RAD54B: variants seen among roughly 807,000 people sequenced by gnomAD.
RAD54B encodes RAD54 homolog B.
In RAD54B, 78 loss-of-function variants were observed where a neutral mutation model predicts 95.8. That is an observed-to-expected ratio of 0.81 (90% CI 0.68 to 0.98). The LOEUF is 0.98. RAD54B is among the 50% of genes least tolerant of loss of function. The probability of loss-of-function intolerance (pLI) is 0.00; values close to 1 mark genes in which losing one functional copy is unlikely to be tolerated. For synonymous variants in RAD54B, 328 were observed against 354.9 expected, an observed-to-expected ratio of 0.92 and a Z score of 0.85; for missense variants, 957 against 1,056.6, an observed-to-expected ratio of 0.91 and a Z score of 1.31.
chr8:94,428,993 C>T, intron 3 of RAD54B: 1 of 982,732 alleles, frequency 1.0e-6, no homozygotes, highest in Non-Finnish European at 1.2e-6. Context: ...CTATGTTAAT[C>T]ATGGTTATAC....
intron 3 of RAD54B, among the ~76,000 whole-genome samples, chr8:94,435,180 G>A (rs966538330): frequency 6.6e-6 from 1 of 151,946 alleles, no homozygotes; most frequent in African/African-American, 2.4e-5. Flanking sequence ...GTAGTTTTCT[G>A]GATATCTAGC....
At chr8:94,376,511 AAGAAG>A (rs1396444691) in intron 14 of RAD54B, among the ~76,000 whole-genome samples, 1 of 150,862 alleles carries the variant, frequency 6.6e-6, no homozygotes, top group Non-Finnish European at 1.5e-5. Flanking sequence ...AAAAGGAGAA[AAGAAG>A]AGAAATTATT....
At position 94,391,642 on chromosome 8, in the gene RAD54B, GCA is replaced by G. The variant is rs1189353686; in HGVS notation, c.1774_1775del (p.Cys592GlnfsTer16). On this transcript the variant is annotated frameshift_variant, in exon 10 of 15. Transcript: ENST00000336148. LOFTEE classifies it high-confidence loss of function. ...AGTTGAACAAAAGGCAGGGGTGATT[GCA>G]CAGTTTTTTAAGAGCTCCTATACAT... is the stretch of plus-strand genomic sequence containing the variant. The part of the protein sequence containing the change: ...LICIGALKKL[C>X]NHPCLLFNSI... 3.7e-6 allele frequency: 6 copies of G among 1,613,704 alleles called. No homozygotes were observed. The highest frequency in any genetic ancestry group is 3.3e-5 in the South Asian group (3 of 91,022).
intron 2 of RAD54B, among the ~76,000 whole-genome samples, chr8:94,460,115 G>A (rs563333859): frequency 1.9e-4 from 29 of 151,600 alleles, no homozygotes; most frequent in Middle Eastern, 6.8e-3. Flanking sequence ...CCAAGATTGC[G>A]CCACTGCACT....
At chr8:94,428,351 T>G in intron 3 of RAD54B, 1 of 980,576 alleles carries the variant, frequency 1.0e-6, no homozygotes, top group Non-Finnish European at 1.2e-6. Flanking sequence ...GTGGCTTAAG[T>G]GTATAGTCAT....
At chr8:94,403,713 A>C (rs1294514814) in intron 6 of RAD54B, among the ~76,000 whole-genome samples, 1 of 152,102 alleles carries the variant, frequency 6.6e-6, no homozygotes, top group Non-Finnish European at 1.5e-5. Flanking sequence ...CAGAATTAAA[A>C]GCCTCTTTCA....
chr8:94,461,480 T>A (rs1812902819), intron 2 of RAD54B, among the ~76,000 whole-genome samples: 1 of 152,034 alleles, frequency 6.6e-6, no homozygotes, highest in African/African-American at 2.4e-5. Flanking sequence ...TAAATACTCA[T>A]CTTAATAAAT....
intron 11 of RAD54B, among the ~76,000 whole-genome samples, chr8:94,382,186 T>C (rs1486417182): frequency 6.6e-6 from 1 of 151,264 alleles, no homozygotes; most frequent in Non-Finnish European, 1.5e-5. Flanking sequence ...AAGGACCTAC[T>C]AAAAAGTTCC....
At chr8:94,460,611 C>A in intron 2 of RAD54B, among the ~76,000 whole-genome samples, 1 of 152,150 alleles carries the variant, frequency 6.6e-6, no homozygotes, top group Non-Finnish European at 1.5e-5. Context: ...TCTCAAATTA[C>A]CAGAAATTTG....
chr8:94,422,781 T>C (rs1811855766), intron 3 of RAD54B, among the ~76,000 whole-genome samples: 1 of 143,150 alleles, frequency 7.0e-6, no homozygotes, highest in African/African-American at 2.6e-5. Flanking sequence ...TATATAATTG[T>C]TAGGGGTGGT....
intron 2 of RAD54B, among the ~76,000 whole-genome samples, chr8:94,459,876 A>G (rs1056699543): frequency 6.7e-6 from 1 of 150,308 alleles, no homozygotes; most frequent in Non-Finnish European, 1.5e-5. Context: ...ATAAAAAATT[A>G]GGCCGGGCGC....
chr8:94,410,160 G>A lies in RAD54B; in HGVS notation c.499+961C>T, dbSNP rs1368908849. Among the ~76,000 whole-genome samples the A allele has an allele frequency of 2.0e-5, 3 of 151,990 alleles. No individual in the cohort carries two copies. The East Asian group carries it at 5.8e-4, about 29-fold the overall frequency. ...CATGTGCTATTCTCTCTTGCACATG[G>A]CCCTTACCTATAACCTCCAAAACTA... On this transcript the variant is annotated intron_variant, in intron 4 of 14. Coordinates refer to ENST00000336148, the MANE Select transcript of RAD54B (RefSeq NM_012415.3).
intron 10 of RAD54B, among the ~76,000 whole-genome samples, chr8:94,388,869 A>G (rs1256147372): frequency 6.6e-6 from 1 of 152,220 alleles, no homozygotes; most frequent in Non-Finnish European, 1.5e-5. Context: ...CCACAGGCCC[A>G]GGGTCTAGTA....
intron 3 of RAD54B, among the ~76,000 whole-genome samples, chr8:94,441,561 G>A (rs1812396294): frequency 6.6e-6 from 1 of 152,170 alleles, no homozygotes; most frequent in Non-Finnish European, 1.5e-5. Context: ...ACAACCCCCA[G>A]AAACCTCCAC....
intron 3 of RAD54B, among the ~76,000 whole-genome samples, chr8:94,442,079 A>T (rs2165405): frequency 0.31 from 47,138 of 152,076 alleles, 7,752 homozygotes; most frequent in East Asian, 0.43. Flanking sequence ...TGAAATCCTG[A>T]CATTTGCAGC....
At chr8:94,407,795 A>G (rs756199671) in intron 4 of RAD54B, 75 bp from the exon 5 acceptor site, 282 of 1,291,714 alleles carry the variant, frequency 2.2e-4, no homozygotes, top group Non-Finnish European at 2.6e-4. Context: ...TGTACAAAAA[A>G]ACTGCACTTT....
rs765965378 is a variant in RAD54B at position 94,399,510 on chromosome 8, G to C, written c.1282C>G (p.Leu428Val). 1.2e-6 allele frequency: 2 copies of C among 1,613,490 alleles called. No individual in the cohort carries two copies. The highest frequency in any genetic ancestry group is 2.2e-5 in the East Asian group (1 of 44,856). ...AAACGATGCCCCTCGTCACAGATTA[G>C]AAGATCAAATTTTATATTCTTAATT... is the stretch of plus-strand genomic sequence containing the variant. ...DQIKNIKFDLLICDEGHRLKN... is the reference protein window; with the variant it reads ...DQIKNIKFDLVICDEGHRLKN... The change falls in exon 8 of 15, where the codon CTA becomes GTA. Residue 428 changes from leucine (L) to valine (V), a missense_variant. Leu to Val is a conservative substitution (Grantham distance 32). Coordinates refer to ENST00000336148, the MANE Select transcript of RAD54B (RefSeq NM_012415.3).
chr8:94,372,278 T>C lies in RAD54B; in HGVS notation c.2625A>G (p.Lys875=). 7 of 1,613,548 alleles carry C rather than the reference T, an allele frequency of 4.3e-6. No homozygotes were observed. Among genetic ancestry groups the C allele is most frequent in the Non-Finnish European group, 5.9e-6 (7 of 1,179,850 alleles). The part of the protein sequence containing the change: ...PLSMSQLKQW[K]HFSGDHLNLT... ...GATTTAAATGATCTCCAGAAAAATG[T>C]TTCCATTGCTTCAGCTGGGACATAG... Residue 875 remains lysine (K), a synonymous_variant, in exon 15 of 15, where the codon AAA becomes AAG. Coordinates refer to ENST00000336148, the MANE Select transcript of RAD54B (RefSeq NM_012415.3).
chr8:94,455,146 T>C (rs1812751726), intron 3 of RAD54B, among the ~76,000 whole-genome samples: 4 of 152,234 alleles, frequency 2.6e-5, no homozygotes, highest in Admixed American at 2.6e-4. Context: ...TCCACTGGCC[T>C]ATTTCCATTC....
Sources: gnomAD v4.1 joint callset for allele counts (sites outside exome capture counted in the v4.1 genomes callset) on GRCh38, gnomAD v4.1.1 for gene constraint, MANE v1.5 for transcripts, NCBI Gene and HGNC (gene_info 2026-07-23, HGNC 2026-07-21) for gene names.